Variants in SHISA6 observed in about 807,000 individuals in gnomAD.
SHISA6 encodes the protein protein shisa-6.
A neutral mutation model predicts 47.9 loss-of-function variants in SHISA6; 22 were observed. The observed-to-expected ratio is 0.46, with a 90% CI of 0.33 to 0.66. The LOEUF (loss-of-function observed/expected upper bound fraction) is 0.66. Ranked by LOEUF, SHISA6 falls within the 30% of genes least tolerant of loss-of-function variation. SHISA6 has a pLI of 0.02. For synonymous variants in SHISA6, 388 were observed against 337.8 expected, an observed-to-expected ratio of 1.15 and a Z score of -1.63; for missense variants, 680 against 764.6, an observed-to-expected ratio of 0.89 and a Z score of 1.30.
At chr17:11,447,780 T>C (rs1915274292) in intron 3 of SHISA6, among the ~76,000 whole-genome samples, 1 of 152,236 alleles carries the variant, frequency 6.6e-6, no homozygotes, top group South Asian at 2.1e-4. Flanking sequence ...CCTTCCATTC[T>C]AAACCCAACT....
chr17:11,328,843 C>G (rs1015341092), intron 2 of SHISA6, among the ~76,000 whole-genome samples: 2 of 152,044 alleles, frequency 1.3e-5, no homozygotes, highest in Non-Finnish European at 2.9e-5. Flanking sequence ...GGAGTCATCT[C>G]TAAGGAGGTG....
intron 3 of SHISA6, among the ~76,000 whole-genome samples, chr17:11,527,125 AG>A (rs1429261114): frequency 6.6e-6 from 1 of 152,002 alleles, no homozygotes; most frequent in Non-Finnish European, 1.5e-5. Flanking sequence ...CCCAAAGAAT[AG>A]GCCAGCTTCT....
chr17:11,289,681 G>C (rs890980894), intron 2 of SHISA6: 3 of 150,992 alleles, frequency 2.0e-5, no homozygotes, highest in African/African-American at 7.3e-5. Flanking sequence ...ATTAATTTTG[G>C]CAATTGTACT....
At chr17:11,479,533 C>CG (rs1287980802) in intron 3 of SHISA6, among the ~76,000 whole-genome samples, 9 of 151,836 alleles carry the variant, frequency 5.9e-5, no homozygotes, top group African/African-American at 2.2e-4. Context: ...ACCTAGATGA[C>CG]GGGTTGATAG....
chr17:11,551,843 G>A, intron 3 of SHISA6, 53 bp from the exon 4 acceptor site: 1 of 1,427,550 alleles, frequency 7.0e-7, no homozygotes, highest in Non-Finnish European at 9.7e-7. Context: ...ATGTTGGAGA[G>A]ATAGTGGAAT....
chr17:11,446,229 C>T (rs1214628317), intron 3 of SHISA6, among the ~76,000 whole-genome samples: 1 of 152,180 alleles, frequency 6.6e-6, no homozygotes, highest in Non-Finnish European at 1.5e-5. Context: ...GAGGGAAGAG[C>T]GTAGGTCAAA....
At chr17:11,440,602 G>T (rs879671503) in intron 3 of SHISA6, among the ~76,000 whole-genome samples, 1 of 147,532 alleles carries the variant, frequency 6.8e-6, no homozygotes, top group Non-Finnish European at 1.5e-5. Context: ...CTAAGCATCC[G>T]TTTGCTCATC....
At chr17:11,358,268 C>A (rs1912137752) in intron 2 of SHISA6, among the ~76,000 whole-genome samples, 1 of 152,172 alleles carries the variant, frequency 6.6e-6, no homozygotes, top group Non-Finnish European at 1.5e-5. Flanking sequence ...CTAGGTACCT[C>A]ATATAAATGG....
chr17:11,242,204 A>G, intron 1 of SHISA6, 144 bp downstream of exon 1: 2 of 1,153,422 alleles, frequency 1.7e-6, no homozygotes, highest in Non-Finnish European at 2.4e-6. Context: ...TGCATGCAAT[A>G]AATCAGGGTC....
Position 11,302,093 on chromosome 17 carries a change from A to G in SHISA6, c.799+38567A>G, listed in dbSNP as rs921933891. 7.9e-5 allele frequency among the ~76,000 whole-genome samples: 12 copies of G among 152,290 alleles called. 1 individual carries two copies. The highest frequency in any genetic ancestry group is 2.1e-4 in the South Asian group (1 of 4,818). ...AATAGCACAGGAAAGACCGGCCCCC[A>G]TGATTCAGTTACCTCCCCTCCGGGC... On this transcript the variant is annotated intron_variant, in intron 2 of 5. Transcript: ENST00000441885.
At chr17:11,250,214 T>C (rs1326885668) in intron 1 of SHISA6, among the ~76,000 whole-genome samples, 2 of 152,230 alleles carry the variant, frequency 1.3e-5, no homozygotes, top group Non-Finnish European at 2.9e-5. Context: ...GACCCAGTTT[T>C]ACGGGATGTA....
rs1177148909 is a variant in SHISA6 at position 11,533,973 on chromosome 17, T to TG, written c.896-17923_896-17922insG. Reference sequence around the variant, plus strand: ...ACAGACTAGTATTTATTCTAACTTTTTTTTGTTTGTTTTTGTTTTTTGAGA... The same window carrying TG: ...ACAGACTAGTATTTATTCTAACTTTTGTTTTGTTTGTTTTTGTTTTTTGAGA... On this transcript the variant is annotated intron_variant, in intron 3 of 5. Transcript: ENST00000441885. Among the ~76,000 whole-genome samples the TG allele has an allele frequency of 4.3e-4, 44 of 101,312 alleles. No homozygotes were observed. In the East Asian group the frequency reaches 6.7e-3, roughly 16 times the overall value. The allele number at this position is 101,312 out of a possible 152,430, so 66.5% of individuals were successfully genotyped here.
intron 3 of SHISA6, 32 bp from the exon 4 acceptor site, chr17:11,551,864 T>G (rs1317036171): frequency 6.5e-7 from 1 of 1,541,402 alleles, no homozygotes; most frequent in East Asian, 2.4e-5. Flanking sequence ...GCCTGAACTC[T>G]TCTTTAAAAA....
chr17:11,346,126 G>A (rs891042919), intron 2 of SHISA6, among the ~76,000 whole-genome samples: 1 of 152,230 alleles, frequency 6.6e-6, no homozygotes, highest in South Asian at 2.1e-4. Context: ...GTTCCCATCT[G>A]TCTCTAGTTT....
chr17:11,287,267 A>G (rs951999465), intron 2 of SHISA6, among the ~76,000 whole-genome samples: 2 of 148,610 alleles, frequency 1.3e-5, no homozygotes, highest in African/African-American at 2.6e-5. Context: ...GAAGGAAGGA[A>G]GCAAGGAAGG....
intron 2 of SHISA6, among the ~76,000 whole-genome samples, chr17:11,365,732 A>G (rs999283119): frequency 6.6e-6 from 1 of 152,256 alleles, no homozygotes; most frequent in African/African-American, 2.4e-5. Flanking sequence ...TAGGTACAGG[A>G]TATCCCTCTT....
At chr17:11,458,783 A>C (rs1301236218) in intron 3 of SHISA6, among the ~76,000 whole-genome samples, 1 of 151,920 alleles carries the variant, frequency 6.6e-6, no homozygotes, top group Non-Finnish European at 1.5e-5. Flanking sequence ...TCTGCTGCTT[A>C]CTCCCTGTGT....
intron 3 of SHISA6, among the ~76,000 whole-genome samples, chr17:11,460,429 T>C (rs1915662217): frequency 6.6e-6 from 1 of 152,226 alleles, no homozygotes; most frequent in African/African-American, 2.4e-5. Context: ...TTCACTCTTA[T>C]TGCCCAGGCT....
chr17:11,246,674 T>G (rs1041960294), intron 1 of SHISA6, among the ~76,000 whole-genome samples: 5 of 152,154 alleles, frequency 3.3e-5, no homozygotes, highest in Admixed American at 2.6e-4. Flanking sequence ...CAAAGTGACG[T>G]TGCCCTGCCT....
Sources: gnomAD v4.1 joint callset for allele counts (sites outside exome capture counted in the v4.1 genomes callset) on GRCh38, gnomAD v4.1.1 for gene constraint, MANE v1.5 for transcripts, NCBI Gene and HGNC (gene_info 2026-07-23, HGNC 2026-07-21) for gene names.